The following PCDH18 variants were observed in gnomAD, a reference collection of about 807,000 sequenced individuals.
PCDH18 encodes protocadherin 18.
Under a neutral mutation model 71.5 loss-of-function variants are expected in PCDH18, and 38 were observed. That is an observed-to-expected ratio of 0.53 (90% CI 0.41 to 0.70). PCDH18 has a LOEUF of 0.70. PCDH18 is among the 30% of genes least tolerant of loss of function. PCDH18 has a pLI of 0.00. For synonymous variants in PCDH18, 565 were observed against 505.4 expected (o/e 1.12, Z -1.58); for missense variants, 1,334 against 1,384.6 (o/e 0.96, Z 0.58).
In PCDH18 at chr4:137,531,370, T is replaced by C. The variant is rs748341074; in HGVS notation, c.719A>G (p.Asn240Ser). 11 of 1,613,480 alleles carry C rather than the reference T, an allele frequency of 6.8e-6. No homozygotes were observed. The highest frequency in any genetic ancestry group is 2.2e-5 in the South Asian group (2 of 91,038). ...SILKISISDS[N>S]DNSPAFEQQS... The stretch of plus-strand genomic sequence containing the variant: ...CTGCTCAAAAGCAGGGCTGTTGTCA[T>C]TGGAGTCTGAAATGCTTATTTTTAG... Residue 240 changes from asparagine to serine, a missense_variant, in exon 1 of 4, where the codon AAT becomes AGT. Physicochemically the swap from Asn to Ser is conservative, Grantham distance 46. Coordinates refer to ENST00000344876, the MANE Select transcript of PCDH18 (RefSeq NM_019035.5).
Position 137,531,634 on chromosome 4 carries a change from A to G in PCDH18, c.455T>C (p.Val152Ala), listed in dbSNP as rs1436017396. 1.9e-6 allele frequency: 3 copies of G among 1,613,992 alleles called. No individual in the cohort carries two copies. Among genetic ancestry groups the G allele is most frequent in the East Asian group, 4.5e-5 (2 of 44,860 alleles). The part of the protein sequence containing the change: ...IPIEISESAA[V>A]GTRIPLDSAF... ...ACTGTCCAGGGGAATGCGAGTCCCA[A>G]CTGCTGCACTCTCAGATATCTCAAT... The change falls in exon 1 of 4, where the codon GTT (valine) becomes GCT (alanine). Residue 152 changes from valine to alanine, a missense_variant. Around this residue, in one of 3 missense-constraint regions of PCDH18, gnomAD observed 1,011 missense variants for 1,048.0 expected, o/e 0.96. Transcript: ENST00000344876.
intron 3 of PCDH18, among the ~76,000 whole-genome samples, chr4:137,527,700 A>C (rs375648839): frequency 1.3e-5 from 2 of 152,330 alleles, no homozygotes; most frequent in African/African-American, 2.4e-5. Flanking sequence ...AAAAGAACAC[A>C]CGTATTCCTA....
At position 137,521,365 on chromosome 4, in the gene PCDH18, A is replaced by G. The variant is rs1280487250; in HGVS notation, c.3072T>C (p.Ser1024=). The change falls in exon 4 of 4, where the codon TCT becomes TCC. Residue 1024 remains serine (S), a synonymous_variant. Coordinates refer to ENST00000344876, the MANE Select transcript of PCDH18 (RefSeq NM_019035.5). ...RLLPPSLDTY[S]ECSEVDRSNS... is the part of the protein sequence containing the mutation. ...TGGACCGATCCACCTCACTGCATTC[A>G]GAATAGGTGTCCAGGGAAGGCGGTA... The G allele has an allele frequency of 1.9e-6, 3 of 1,614,076 alleles. No individual in the cohort carries two copies. Among genetic ancestry groups the G allele is most frequent in the Non-Finnish European group, 2.5e-6 (3 of 1,180,036 alleles).
In PCDH18 at chr4:137,530,564, T is replaced by G. The variant is rs1382401645; in HGVS notation, c.1525A>C (p.Ile509Leu). The G allele has an allele frequency of 1.9e-6, 3 of 1,613,994 alleles. No individual in the cohort carries two copies. Among genetic ancestry groups the G allele is most frequent in the Non-Finnish European group, 2.5e-6 (3 of 1,180,006 alleles). ...TATGTAGTTATGGAACTTCCTAGAA[T>G]AAAACTCTCCAAGATGGTGTATGTC... ...QVTYTILESF[I>L]LGSSITTYVT... The change falls in exon 1 of 4, where the codon ATT becomes CTT. Residue 509 changes from isoleucine to leucine, a missense_variant. Ile to Leu is a conservative substitution (Grantham distance 5). Transcript: ENST00000344876.
At position 137,530,777 on chromosome 4, in the gene PCDH18, C is replaced by T. The variant is rs778714671; in HGVS notation, c.1312G>A (p.Glu438Lys). 19 of 1,612,112 alleles carry T rather than the reference C, an allele frequency of 1.2e-5. No individual in the cohort carries two copies. In the African/African-American group the frequency reaches 1.2e-4, roughly 10 times the overall value. Residue 438 changes from glutamate to lysine, a missense_variant, in exon 1 of 4, where the codon GAG becomes AAG. Coordinates refer to ENST00000344876, the MANE Select transcript of PCDH18 (RefSeq NM_019035.5). ...RSEYSLTVIAEDRGTPSLSTV... is the reference protein window; with the variant it reads ...RSEYSLTVIAKDRGTPSLSTV... Reference sequence around the variant, plus strand: ...GAGAGACTGGGTGTCCCCCTGTCCTCAGCGATTACAGTCAAACTATACTCA... The same window carrying T: ...GAGAGACTGGGTGTCCCCCTGTCCTTAGCGATTACAGTCAAACTATACTCA...
At chr4:137,523,385 GTAATTGGAA>G (rs1429584901) in intron 3 of PCDH18, among the ~76,000 whole-genome samples, 1 of 151,568 alleles carries the variant, frequency 6.6e-6, no homozygotes, top group African/African-American at 2.4e-5. Flanking sequence ...GGGGTTGAAA[GTAATTGGAA>G]TAACTTAATA....
At chr4:137,526,871 G>A (rs960565869) in intron 3 of PCDH18, among the ~76,000 whole-genome samples, 10 of 151,062 alleles carry the variant, frequency 6.6e-5, no homozygotes, top group Admixed American at 3.3e-4. Context: ...AGAGTGCAGG[G>A]ATTGGTCCAA....
In PCDH18 at chr4:137,521,442, T is replaced by C; in HGVS notation, c.2995A>G (p.Thr999Ala). The C allele has an allele frequency of 1.2e-5, 19 of 1,614,194 alleles. No individual in the cohort carries two copies. The highest frequency in any genetic ancestry group is 1.6e-5 in the Non-Finnish European group (19 of 1,180,030). The change falls in exon 4 of 4, where the codon ACC becomes GCC. Residue 999 changes from threonine (T) to alanine (A), a missense_variant. By Grantham distance (58) the Thr-to-Ala change is moderately conservative. This residue lies in a region of PCDH18 where 319 missense variants were observed against 316.3 expected (regional missense o/e 1.01). Transcript: ENST00000344876. ...TCCGAGAGCAGAGATGATGTGCTGG[T>C]ATCCCCAGTGTCCTCATCGTTTGGG... The part of the protein sequence containing the change: ...DSPNDEDTGD[T>A]STSSLLSEMS...
chr4:137,521,068 T>C lies in PCDH18; in HGVS notation c.3369A>G (p.Ala1123=), dbSNP rs1225019245. The C allele has an allele frequency of 1.5e-5, 24 of 1,610,030 alleles. No individual in the cohort carries two copies. The highest frequency in any genetic ancestry group is 2.0e-5 in the Non-Finnish European group (24 of 1,176,900). ...HELMDASELV[A]EINKLLQDVR... ...CATCTTGAAGCAGTTTGTTAATCTC[T>C]GCCACCAGTTCACTGGCATCCATGA... Residue 1123 remains alanine (A), a synonymous_variant, in exon 4 of 4, where the codon GCA becomes GCG. Coordinates refer to ENST00000344876, the MANE Select transcript of PCDH18 (RefSeq NM_019035.5).
In PCDH18 at chr4:137,530,303, T is replaced by TTTCA; in HGVS notation, c.1782_1785dup (p.Ser596Ter). The TTTCA allele has an allele frequency of 6.2e-7, 1 of 1,613,634 alleles. No individual in the cohort carries two copies. Among genetic ancestry groups the TTTCA allele is most frequent in the Non-Finnish European group, 8.5e-7 (1 of 1,179,700 alleles). On this transcript the variant is annotated stop_gained and frameshift_variant, in exon 1 of 4. Transcript: ENST00000344876. LOFTEE classifies it high-confidence loss of function. ...CTTATTCTTGTGACATGAAAGCCAC[T>TTTCA]TTCAGCCCCTTTGGGAATGGTGATT...
rs576619841 is a variant in PCDH18 at position 137,532,309 on chromosome 4, G to T, written c.-221C>A. The T allele has an allele frequency of 5.7e-6, 4 of 702,846 alleles. No individual in the cohort carries two copies. In the East Asian group the frequency reaches 1.1e-4, roughly 19 times the overall value. 43.5% of individuals were successfully genotyped at this position (702,846 alleles called of 1,614,324 possible). ...TGGAGTCCAGTCCTTGCGTTTGTTTGGTCGTTCGTCCTCTTTCCAGGCAGG... is the reference window on the plus strand; with the variant it reads ...TGGAGTCCAGTCCTTGCGTTTGTTTTGTCGTTCGTCCTCTTTCCAGGCAGG... On this transcript the variant is annotated 5_prime_UTR_variant, in exon 1 of 4. Transcript: ENST00000344876.
chr4:137,531,436 G>A lies in PCDH18; in HGVS notation c.653C>T (p.Ala218Val), dbSNP rs776127616. 2 of 1,613,420 alleles carry A rather than the reference G, an allele frequency of 1.2e-6. No homozygotes were observed. The highest frequency in any genetic ancestry group is 3.3e-5 in the Admixed American group (2 of 59,934). The change falls in exon 1 of 4, where the codon GCC (alanine) becomes GTC (valine). Residue 218 changes from alanine to valine, a missense_variant. By Grantham distance (64) the Ala-to-Val change is moderately conservative. Around this residue, in one of 3 missense-constraint regions of PCDH18, gnomAD observed 1,011 missense variants for 1,048.0 expected, o/e 0.96. Transcript: ENST00000344876. ...CCTCTGAGGTACTCCCATGTCTGAG[G>A]CAGTGAGCTGAAGCTCGTAGCTTGA... Reference protein sequence around the residue: ...LKSSYELQLTASDMGVPQRSG... With the variant: ...LKSSYELQLTVSDMGVPQRSG...
chr4:137,521,626 G>C lies in PCDH18; in HGVS notation c.2811C>G (p.Pro937=). ...HSDQCWMPPL[P]SPSSDYRSNM... Reference sequence around the variant, plus strand: ...TACTCCTATAATCAGAAGACGGTGAGGGCAGTGGTGGCATCCAGCACTGGT... The same window carrying C: ...TACTCCTATAATCAGAAGACGGTGACGGCAGTGGTGGCATCCAGCACTGGT... Residue 937 remains proline (P), a synonymous_variant, in exon 4 of 4, where the codon CCC becomes CCG. Transcript: ENST00000344876. The C allele has an allele frequency of 1.2e-6, 2 of 1,613,174 alleles. No individual in the cohort carries two copies. The highest frequency in any genetic ancestry group is 1.7e-6 in the Non-Finnish European group (2 of 1,179,930).
In PCDH18 at chr4:137,531,527, T is replaced by A; in HGVS notation, c.562A>T (p.Thr188Ser). 6.2e-7 allele frequency: 1 copy of A among 1,613,718 alleles called. No individual in the cohort carries two copies. Among genetic ancestry groups the A allele is most frequent in the Non-Finnish European group, 8.5e-7 (1 of 1,179,844 alleles). ...GCATACTTGGCTCCATCAGTCCTGG[T>A]CCGAACCTCGATATTAAAAAAATCA... The part of the protein sequence containing the change: ...ANDFFNIEVR[T>S]RTDGAKYAEL... The change falls in exon 1 of 4, where the codon ACC becomes TCC. Residue 188 changes from threonine (T) to serine (S), a missense_variant. Physicochemically the swap from Thr to Ser is moderately conservative, Grantham distance 58 (BLOSUM62 1). Around this residue, in one of 3 missense-constraint regions of PCDH18, gnomAD observed 1,011 missense variants for 1,048.0 expected, o/e 0.96. Transcript: ENST00000344876.
rs765308587 is a variant in PCDH18, at chr4:137,530,651, G to A, written c.1438C>T (p.Pro480Ser). The A allele has an allele frequency of 8.1e-6, 13 of 1,613,338 alleles. No individual in the cohort carries two copies. The highest frequency in any genetic ancestry group is 9.3e-6 in the Non-Finnish European group (11 of 1,179,750). The change falls in exon 1 of 4, where the codon CCA (proline) becomes TCA (serine). Residue 480 changes from proline to serine, a missense_variant. This residue lies in a region of PCDH18 where 1,011 missense variants were observed against 1,048.0 expected (regional missense o/e 0.96). Coordinates refer to ENST00000344876, the MANE Select transcript of PCDH18 (RefSeq NM_019035.5). ...YEFVISENNSPGAYITTVTAT... is the reference protein window; with the variant it reads ...YEFVISENNSSGAYITTVTAT... ...GTAACAGTGGTGATATATGCCCCTG[G>A]TGAGTTATTTTCTGAAATTACAAAT...
At chr4:137,521,975 A>G (rs965267751) in intron 3 of PCDH18, among the ~76,000 whole-genome samples, 2 of 152,156 alleles carry the variant, frequency 1.3e-5, no homozygotes, top group Non-Finnish European at 2.9e-5. Context: ...ATGGGTTGAT[A>G]AAGTATACGT....
In PCDH18 at chr4:137,529,746, T is replaced by A; in HGVS notation, c.2343A>T (p.Ser781=). 6.2e-7 allele frequency: 1 copy of A among 1,613,966 alleles called. No homozygotes were observed. The highest frequency in any genetic ancestry group is 8.5e-7 in the Non-Finnish European group (1 of 1,179,938). Residue 781 remains serine (S), a synonymous_variant, in exon 1 of 4, where the codon TCA becomes TCT. Transcript: ENST00000344876. ...IRSHHRSSPS[S]SPTLERGQMG... is the part of the protein sequence containing the mutation. ...TCTGCCCTCTTTCTAAGGTAGGAGA[T>A]GAAGATGGAGACGATCTGTGATGAG... is the stretch of plus-strand genomic sequence containing the variant.
At chr4:137,522,034 A>G (rs2149211926) in intron 3 of PCDH18, among the ~76,000 whole-genome samples, 2 of 152,338 alleles carry the variant, frequency 1.3e-5, no homozygotes. Context: ...CATAAATTCT[A>G]AAGAACAGAC....
At position 137,519,356 on chromosome 4, in the gene PCDH18, T is replaced by A. The variant is rs1000030683; in HGVS notation, c.*1673A>T. On this transcript the variant is annotated 3_prime_UTR_variant, in exon 4 of 4. Transcript: ENST00000344876. ...CTCCTGGAAACATTGTAAGGATACC[T>A]TTTTATCCTGCACAATTTAATACAA... 4 of 152,220 alleles carry A rather than the reference T, an allele frequency of 2.6e-5. No individual in the cohort carries two copies. Among genetic ancestry groups the A allele is most frequent in the African/African-American group, 9.6e-5 (4 of 41,454 alleles). The allele number at this position is 152,220 out of a possible 1,614,324, so 9.4% of individuals were successfully genotyped here.
Sources: gnomAD v4.1 joint callset for allele counts (sites outside exome capture counted in the v4.1 genomes callset) on GRCh38, gnomAD v4.1.1 for gene constraint, gnomAD v4.1.1 regional missense constraint, MANE v1.5 for transcripts, NCBI Gene and HGNC (gene_info 2026-07-23, HGNC 2026-07-21) for gene names.